RPTOR: variants seen among roughly 807,000 people sequenced by gnomAD.
The protein encoded by RPTOR is regulatory-associated protein of mTOR.
RPTOR carries 21 observed loss-of-function variants against 169.9 expected under a neutral mutation model. That is an observed-to-expected ratio of 0.12 (90% confidence interval 0.09 to 0.18). The LOEUF (loss-of-function observed/expected upper bound fraction) is 0.18. RPTOR is among the 10% of genes least tolerant of loss of function. The pLI is 1.00. For synonymous variants in RPTOR, 732 were observed against 753.2 expected, an observed-to-expected ratio of 0.97 and a Z score of 0.46; for missense variants, 1,133 against 1,855.9, an observed-to-expected ratio of 0.61 and a Z score of 7.16.
intron 2 of RPTOR, among the ~76,000 whole-genome samples, chr17:80,636,238 C>T (rs1252409769): frequency 1.3e-5 from 2 of 151,968 alleles, no homozygotes; most frequent in Admixed American, 1.3e-4. Flanking sequence ...TGGTCCTCAC[C>T]TCCGCCGCCC....
intron 3 of RPTOR, among the ~76,000 whole-genome samples, chr17:80,694,555 C>G (rs886304549): frequency 2.0e-5 from 3 of 152,214 alleles, no homozygotes; most frequent in Admixed American, 1.3e-4. Flanking sequence ...AGCCTCCCTG[C>G]GCCCCTTCCT....
intron 20 of RPTOR, among the ~76,000 whole-genome samples, chr17:80,904,687 C>T (rs1264880173): frequency 6.6e-6 from 1 of 152,158 alleles, no homozygotes; most frequent in African/African-American, 2.4e-5. Context: ...CAGGCAGCCC[C>T]ACCTCCTTCC....
intron 8 of RPTOR, among the ~76,000 whole-genome samples, 163 bp from the exon 9 acceptor site, chr17:80,822,914 AGT>A: frequency 6.6e-6 from 1 of 152,120 alleles, no homozygotes; most frequent in Middle Eastern, 3.4e-3. Context: ...TGTATGTTTA[AGT>A]GTGTGTACGT....
intron 13 of RPTOR, among the ~76,000 whole-genome samples, chr17:80,875,504 G>T (rs1320320375): frequency 3.9e-5 from 6 of 152,306 alleles, no homozygotes; most frequent in African/African-American, 1.4e-4. Context: ...TCATGTTCAT[G>T]CTCTTCCCAC....
intron 17 of RPTOR, among the ~76,000 whole-genome samples, chr17:80,885,730 A>G (rs1338136724): frequency 6.6e-6 from 1 of 152,144 alleles, no homozygotes; most frequent in African/African-American, 2.4e-5. Flanking sequence ...TTTAGTAGAG[A>G]TGGGGTTTCA....
At chr17:80,777,399 A>G (rs1162695912) in intron 6 of RPTOR, among the ~76,000 whole-genome samples, 2 of 152,196 alleles carry the variant, frequency 1.3e-5, no homozygotes, top group East Asian at 3.8e-4. Context: ...AAACTTGAAT[A>G]TTCAAGCAGG....
intron 5 of RPTOR, among the ~76,000 whole-genome samples, chr17:80,731,889 A>G (rs1455209375): frequency 6.6e-6 from 1 of 152,228 alleles, no homozygotes; most frequent in Admixed American, 6.5e-5. Flanking sequence ...TGAATATTTT[A>G]TAATTATTAA....
rs1177068735 is a variant in RPTOR, at chr17:80,959,314, TCACC to T, written c.3478-763_3478-760del. On this transcript the variant is annotated intron_variant, in intron 29 of 33. Transcript: ENST00000306801. The surrounding 1 kb of genome is among the most constrained non-coding windows in gnomAD (Gnocchi z 6.7). ...GGACACCCTGATCCTCAGGGTCTGG[TCACC>T]AGTGGGGGCTTAGAGGCCCAGGTGG... Among the ~76,000 whole-genome samples the T allele has an allele frequency of 1.3e-5, 2 of 152,078 alleles. No individual in the cohort carries two copies. The highest frequency in any genetic ancestry group is 3.9e-4 in the East Asian group (2 of 5,174).
At chr17:80,814,261 G>T (rs1193347018) in intron 7 of RPTOR, among the ~76,000 whole-genome samples, 1 of 152,092 alleles carries the variant, frequency 6.6e-6, no homozygotes, top group Non-Finnish European at 1.5e-5. Flanking sequence ...TACGTAAATT[G>T]TATGTTTTCC....
Position 80,625,676 on chromosome 17 carries a change from CT to C in RPTOR, c.163-14del. ...TATTGAAATATTTATTTATTTTTTT[CT>C]GTTGTGTTTTCAGATGAAGACAGTC... is the stretch of plus-strand genomic sequence containing the variant. On this transcript the variant is annotated splice_polypyrimidine_tract_variant and intron_variant, in intron 1 of 33. Coordinates refer to ENST00000306801, the MANE Select transcript of RPTOR (RefSeq NM_020761.3). 6.5e-7 allele frequency: 1 copy of C among 1,536,966 alleles called. No homozygotes were observed. The highest frequency in any genetic ancestry group is 9.0e-7 in the Non-Finnish European group (1 of 1,110,628).
At chr17:80,879,113 C>T (rs11150754) in intron 13 of RPTOR, among the ~76,000 whole-genome samples, 33,962 of 152,116 alleles carry the variant, frequency 0.22, 4,040 homozygotes, top group East Asian at 0.37. Flanking sequence ...GCTTGTGTCT[C>T]ATCATCGATG....
At chr17:80,679,109 A>C (rs35128297) in intron 3 of RPTOR, among the ~76,000 whole-genome samples, 24,343 of 152,092 alleles carry the variant, frequency 0.16, 2,876 homozygotes, top group African/African-American at 0.34. Flanking sequence ...TGCCGGGCGC[A>C]GCGGCTACCT....
chr17:80,765,755 T>C (rs918100202), intron 6 of RPTOR, among the ~76,000 whole-genome samples: 2 of 152,170 alleles, frequency 1.3e-5, no homozygotes, highest in Non-Finnish European at 2.9e-5. Context: ...TCTCTCGTTA[T>C]GGAGGAAGTT....
chr17:80,945,517 G>C, intron 25 of RPTOR, 150 bp from the exon 26 acceptor site: 1 of 479,672 alleles, frequency 2.1e-6, no homozygotes, highest in Non-Finnish European at 3.7e-6. Flanking sequence ...GTGTGAACCT[G>C]GGAGGCGGAG....
chr17:80,572,855 T>C (rs2064922122), intron 1 of RPTOR, among the ~76,000 whole-genome samples: 3 of 152,326 alleles, frequency 2.0e-5, no homozygotes, highest in Non-Finnish European at 1.5e-5. Flanking sequence ...CCTTTAAAGG[T>C]TGGTGCTTTT....
At chr17:80,819,398 G>A (rs890897629) in intron 7 of RPTOR, among the ~76,000 whole-genome samples, 3 of 152,208 alleles carry the variant, frequency 2.0e-5, no homozygotes, top group African/African-American at 7.2e-5. Flanking sequence ...ATGTTATAAA[G>A]CATTGTCCCA....
intron 4 of RPTOR, among the ~76,000 whole-genome samples, chr17:80,729,326 T>C (rs2066368962): frequency 6.6e-6 from 1 of 152,250 alleles, no homozygotes; most frequent in South Asian, 2.1e-4. Flanking sequence ...TTCTGGGAAT[T>C]TGATTTCTGC....
intron 3 of RPTOR, among the ~76,000 whole-genome samples, chr17:80,661,068 C>T (rs2065719933): frequency 2.0e-5 from 3 of 152,194 alleles, no homozygotes; most frequent in African/African-American, 7.2e-5. Context: ...GTCTTACTGC[C>T]GACCTACCAC....
intron 1 of RPTOR, among the ~76,000 whole-genome samples, chr17:80,607,689 G>C (rs1205514977): frequency 3.3e-5 from 5 of 151,088 alleles, no homozygotes; most frequent in African/African-American, 1.2e-4. Flanking sequence ...GAGAAATTTG[G>C]CCACAGTTTT....
Sources: allele counts gnomAD v4.1 joint callset (sites outside exome capture counted in the v4.1 genomes callset), GRCh38; gene constraint gnomAD v4.1.1; non-coding constraint Gnocchi (gnomAD v3.1); transcripts MANE v1.5; gene names NCBI Gene and HGNC (gene_info 2026-07-23, HGNC 2026-07-21).